The following PNLIPRP3 variants were observed in gnomAD, a reference collection of about 807,000 sequenced individuals.
PNLIPRP3 encodes pancreatic lipase related protein 3, also known as pancreatic lipase-related protein 3.
PNLIPRP3 carries 58 observed loss-of-function variants against 52.8 expected under a neutral mutation model. That is an observed-to-expected ratio of 1.10 (90% CI 0.89 to 1.37). The LOEUF (loss-of-function observed/expected upper bound fraction) is 1.37. PNLIPRP3 is among the 40% of genes most tolerant of loss of function. The probability of loss-of-function intolerance (pLI) is 0.00; values close to 1 mark genes in which losing one functional copy is unlikely to be tolerated. For missense variants in PNLIPRP3, 593 were observed against 561.6 expected, an observed-to-expected ratio of 1.06 and a Z score of -0.57; for synonymous variants, 192 against 185.0, an observed-to-expected ratio of 1.04 and a Z score of -0.31.
chr10:116,441,467 C>T (rs188350156), intron 2 of PNLIPRP3, among the ~76,000 whole-genome samples: 33 of 152,194 alleles, frequency 2.2e-4, no homozygotes, highest in Admixed American at 4.6e-4. Flanking sequence ...GTGTTTGAGG[C>T]GCTCCAGCTG....
intron 11 of PNLIPRP3, 88 bp from the exon 12 acceptor site, chr10:116,477,001 AT>A: frequency 8.0e-7 from 1 of 1,246,102 alleles, no homozygotes; most frequent in Non-Finnish European, 1.1e-6. Context: ...GAAAATAAGA[AT>A]TACTCATTAA....
chr10:116,446,142 C>T (rs1415203505), intron 4 of PNLIPRP3, among the ~76,000 whole-genome samples: 2 of 151,930 alleles, frequency 1.3e-5, no homozygotes, highest in African/African-American at 2.4e-5. Context: ...GTCAGGAGAT[C>T]GAGACCATCC....
intron 2 of PNLIPRP3, among the ~76,000 whole-genome samples, chr10:116,441,369 TTC>T (rs1305083774): frequency 2.6e-5 from 4 of 152,206 alleles, no homozygotes; most frequent in African/African-American, 7.2e-5. Flanking sequence ...CAGAATGCTA[TTC>T]TCATGTTGAG....
At chr10:116,471,628 T>G (rs1846372611) in intron 9 of PNLIPRP3, 140 bp from the exon 10 acceptor site, 1 of 597,428 alleles carries the variant, frequency 1.7e-6, no homozygotes, top group South Asian at 2.4e-5. Flanking sequence ...AAACTAAAGT[T>G]GTATTTTTGC....
chr10:116,431,133 C>T (rs1416475855), intron 1 of PNLIPRP3, among the ~76,000 whole-genome samples: 1 of 152,164 alleles, frequency 6.6e-6, no homozygotes, highest in African/African-American at 2.4e-5. Flanking sequence ...CCTCAAAATC[C>T]ATGCAGAACC....
At chr10:116,461,535 AGGAAG>A (rs1846192756) in intron 7 of PNLIPRP3, among the ~76,000 whole-genome samples, 1 of 152,176 alleles carries the variant, frequency 6.6e-6, no homozygotes, top group Non-Finnish European at 1.5e-5. Context: ...AATATAAACA[AGGAAG>A]GTGTGTTATT....
chr10:116,447,220 G>A (rs1210954175), intron 4 of PNLIPRP3, among the ~76,000 whole-genome samples: 1 of 152,158 alleles, frequency 6.6e-6, no homozygotes, highest in Non-Finnish European at 1.5e-5. Flanking sequence ...AAGTGCTGAT[G>A]GCACTCAGCT....
At position 116,439,817 on chromosome 10, in the gene PNLIPRP3, C is replaced by T. The variant is rs958600453; in HGVS notation, c.204+2952C>T. On this transcript the variant is annotated intron_variant, in intron 2 of 11. Transcript: ENST00000369230. ...TTGCCTCCCTTAGCTGGTTCATAAT[C>T]CTTCATTTCCCGATCATAGCGCACT... 2.1e-5 allele frequency: 16 copies of T among 775,896 alleles called. No homozygotes were observed. In the East Asian group the frequency reaches 3.4e-4, roughly 17 times the overall value. The allele number at this position is 775,896 out of a possible 1,614,324, so 48.1% of individuals were successfully genotyped here. A position where few individuals can be genotyped will look rare whatever the true frequency, so the allele number is the denominator to read the frequency against.
intron 3 of PNLIPRP3, among the ~76,000 whole-genome samples, chr10:116,443,759 G>GTA (rs1440921288): frequency 6.6e-5 from 6 of 91,530 alleles, no homozygotes; most frequent in African/African-American, 2.3e-4. Context: ...GTGTGTGTGT[G>GTA]TGTGTATGTG....
intron 10 of PNLIPRP3, among the ~76,000 whole-genome samples, chr10:116,475,200 G>T (rs1039244681): frequency 1.3e-5 from 2 of 152,170 alleles, no homozygotes; most frequent in Non-Finnish European, 2.9e-5. Context: ...ACCAAATACT[G>T]AATGTTCTCA....
intron 10 of PNLIPRP3, among the ~76,000 whole-genome samples, chr10:116,474,892 TAA>T (rs1476288117): frequency 6.6e-6 from 1 of 152,184 alleles, no homozygotes; most frequent in Non-Finnish European, 1.5e-5. Flanking sequence ...CTCAAAGACC[TAA>T]AGACAGAAAT....
chr10:116,471,356 G>A (rs1820282362), intron 9 of PNLIPRP3, among the ~76,000 whole-genome samples: 1 of 152,020 alleles, frequency 6.6e-6, no homozygotes, highest in Non-Finnish European at 1.5e-5. Flanking sequence ...TGCCCAATTG[G>A]TTTCCTAGAT....
intron 1 of PNLIPRP3, 37 bp from the exon 2 acceptor site, chr10:116,436,674 G>C: frequency 6.5e-7 from 1 of 1,541,234 alleles, no homozygotes; most frequent in Non-Finnish European, 8.8e-7. Flanking sequence ...CTCTAAGCCT[G>C]GTTCCTCTAT....
chr10:116,447,314 G>A (rs1158835327), intron 4 of PNLIPRP3, among the ~76,000 whole-genome samples: 1 of 152,148 alleles, frequency 6.6e-6, no homozygotes, highest in Non-Finnish European at 1.5e-5. Context: ...AGAACTGTTG[G>A]CTAGGCTGAT....
intron 1 of PNLIPRP3, among the ~76,000 whole-genome samples, chr10:116,435,245 T>C (rs1378985355): frequency 6.6e-6 from 1 of 152,142 alleles, no homozygotes; most frequent in African/African-American, 2.4e-5. Flanking sequence ...AAAGTCTGAA[T>C]ATTATCAATT....
intron 4 of PNLIPRP3, among the ~76,000 whole-genome samples, chr10:116,449,032 AAAAAT>A: frequency 1.4e-5 from 2 of 146,934 alleles, no homozygotes; most frequent in African/African-American, 2.6e-5. Flanking sequence ...AAAAAAAAAA[AAAAAT>A]TTCTAATTAG....
intron 10 of PNLIPRP3, among the ~76,000 whole-genome samples, chr10:116,475,757 A>C (rs1846452740): frequency 6.6e-6 from 1 of 152,250 alleles, no homozygotes; most frequent in Non-Finnish European, 1.5e-5. Context: ...TTGAGTAGAC[A>C]AATGATACAT....
chr10:116,461,845 G>A (rs1846197075), intron 7 of PNLIPRP3, among the ~76,000 whole-genome samples: 1 of 152,148 alleles, frequency 6.6e-6, no homozygotes, highest in African/African-American at 2.4e-5. Context: ...GACACCAAGG[G>A]GAGAGGCATT....
chr10:116,460,974 C>T lies in PNLIPRP3; in HGVS notation c.574C>T (p.Pro192Ser), dbSNP rs755666360. 1 of 1,611,740 alleles carries T rather than the reference C, an allele frequency of 6.2e-7. No individual in the cohort carries two copies. Among genetic ancestry groups the T allele is most frequent in the Non-Finnish European group, 8.5e-7 (1 of 1,179,966 alleles). Residue 192 changes from proline (P) to serine (S), a missense_variant, in exon 6 of 12, where the codon CCA becomes TCA. By Grantham distance (74) the Pro-to-Ser change is moderately conservative. Coordinates refer to ENST00000369230, the MANE Select transcript of PNLIPRP3 (RefSeq NM_001011709.3). ...PGLGRITGLD[P>S]AGPFFHNTPK... ...GGTTGTGCTTTCTCTAGGGTTGGAC[C>T]CAGCTGGGCCATTTTTCCACAACAC...
Sources: allele counts gnomAD v4.1 joint callset (sites outside exome capture counted in the v4.1 genomes callset), GRCh38; gene constraint gnomAD v4.1.1; transcripts MANE v1.5; gene names NCBI Gene and HGNC (gene_info 2026-07-23, HGNC 2026-07-21).